RALGPS1: variants seen among roughly 807,000 people sequenced by gnomAD.
The protein encoded by RALGPS1 is Ral GEF with PH domain and SH3 binding motif 1.
Under a neutral mutation model 78.8 loss-of-function variants are expected in RALGPS1, and 19 were observed. That is an observed-to-expected ratio of 0.24 (90% CI 0.17 to 0.35). RALGPS1 has a LOEUF of 0.35. RALGPS1 is among the 10% of genes least tolerant of loss of function. RALGPS1 has a pLI of 1.00. For synonymous variants in RALGPS1, 228 were observed against 256.3 expected, an observed-to-expected ratio of 0.89 and a Z score of 1.06; for missense variants, 454 against 688.3, an observed-to-expected ratio of 0.66 and a Z score of 3.81.
chr9:127,164,728 C>T (rs1333032606), intron 8 of RALGPS1, among the ~76,000 whole-genome samples: 1 of 151,014 alleles, frequency 6.6e-6, no homozygotes, highest in Non-Finnish European at 1.5e-5. Flanking sequence ...TTTGTAGAGA[C>T]GGGGTTTTGT....
chr9:126,990,963 C>G (rs2042232091), intron 4 of RALGPS1, among the ~76,000 whole-genome samples: 1 of 152,132 alleles, frequency 6.6e-6, no homozygotes, highest in Non-Finnish European at 1.5e-5. Flanking sequence ...CTATCTGCCT[C>G]TCTTTGTTCA....
At chr9:127,098,426 A>G (rs2136697376) in intron 8 of RALGPS1, among the ~76,000 whole-genome samples, 1 of 152,150 alleles carries the variant, frequency 6.6e-6, no homozygotes, top group Admixed American at 6.5e-5. Flanking sequence ...CCACATTTAC[A>G]TTCTTGGGGG....
intron 8 of RALGPS1, among the ~76,000 whole-genome samples, chr9:127,131,233 A>C (rs2056984591): frequency 6.6e-6 from 1 of 152,230 alleles, no homozygotes. Flanking sequence ...CACCCAGCTG[A>C]GATTCCAGAA....
chr9:127,149,019 C>T (rs932330379), intron 8 of RALGPS1, among the ~76,000 whole-genome samples: 1 of 152,208 alleles, frequency 6.6e-6, no homozygotes, highest in African/African-American at 2.4e-5. Flanking sequence ...GTCTACACCT[C>T]CACATGAGGG....
intron 8 of RALGPS1, among the ~76,000 whole-genome samples, chr9:127,143,806 C>T (rs1183200875): frequency 6.6e-6 from 1 of 152,230 alleles, no homozygotes; most frequent in Non-Finnish European, 1.5e-5. Flanking sequence ...CCACTGAAAA[C>T]AACCCTTCTT....
Position 126,975,940 on chromosome 9 carries a change from C to T in RALGPS1, c.166-1755C>T, listed in dbSNP as rs76930205. 2.8e-3 allele frequency among the ~76,000 whole-genome samples: 428 copies of T among 152,292 alleles called. 2 individuals are homozygous for T. Among genetic ancestry groups the T allele is most frequent in the African/African-American group, 9.6e-3 (400 of 41,554 alleles). On this transcript the variant is annotated intron_variant, in intron 3 of 18. Coordinates refer to ENST00000259351, the MANE Select transcript of RALGPS1 (RefSeq NM_014636.3). ...CCCGTTTCCATGAAGAACACTAGCTCCGCTCCTGGGAGAGTACAAAGAGGC... is the reference window on the plus strand; with the variant it reads ...CCCGTTTCCATGAAGAACACTAGCTTCGCTCCTGGGAGAGTACAAAGAGGC...
intron 4 of RALGPS1, among the ~76,000 whole-genome samples, chr9:127,006,268 G>T (rs1564404713): frequency 6.6e-6 from 1 of 152,184 alleles, no homozygotes; most frequent in South Asian, 2.1e-4. Flanking sequence ...CAAGCCATTC[G>T]TGAAGGAAAC....
intron 8 of RALGPS1, among the ~76,000 whole-genome samples, chr9:127,104,879 TG>T (rs1432002844): frequency 3.3e-5 from 5 of 152,246 alleles, no homozygotes; most frequent in African/African-American, 1.2e-4. Context: ...AAGGATCTGT[TG>T]GGTAAGAGCA....
chr9:126,987,332 G>A (rs74595186), intron 4 of RALGPS1, among the ~76,000 whole-genome samples: 1 of 152,194 alleles, frequency 6.6e-6, no homozygotes, highest in Non-Finnish European at 1.5e-5. Flanking sequence ...TCTCTTATTG[G>A]TGATTTGGGG....
At chr9:126,944,834 T>A (rs763652767) in intron 1 of RALGPS1, among the ~76,000 whole-genome samples, 1 of 152,192 alleles carries the variant, frequency 6.6e-6, no homozygotes, top group Non-Finnish European at 1.5e-5. Context: ...CCTCAGTGCA[T>A]TCAGCCATTG....
chr9:126,919,344 TC>T (rs2034519005), intron 1 of RALGPS1, among the ~76,000 whole-genome samples: 1 of 152,186 alleles, frequency 6.6e-6, no homozygotes, highest in Non-Finnish European at 1.5e-5. Context: ...ACATCCTTTG[TC>T]CTAGGAAAAA....
chr9:126,981,742 C>T (rs1588812097), intron 4 of RALGPS1, among the ~76,000 whole-genome samples: 1 of 152,124 alleles, frequency 6.6e-6, no homozygotes, highest in Non-Finnish European at 1.5e-5. Context: ...ATAACTTAGT[C>T]CATGATTACT....
intron 11 of RALGPS1, among the ~76,000 whole-genome samples, chr9:127,182,328 TCCTG>T (rs2060282365): frequency 3.4e-5 from 5 of 148,716 alleles, no homozygotes; most frequent in African/African-American, 1.3e-4. Flanking sequence ...CTTCCTTCCT[TCCTG>T]CCTTCCTTCC....
intron 14 of RALGPS1, among the ~76,000 whole-genome samples, chr9:127,199,648 G>A (rs1244525981): frequency 6.6e-6 from 1 of 150,824 alleles, no homozygotes; most frequent in Non-Finnish European, 1.5e-5. Flanking sequence ...TGTCTGCCAG[G>A]GCCCCAGGCC....
At chr9:127,025,198 C>G (rs1014993538) in intron 4 of RALGPS1, among the ~76,000 whole-genome samples, 1 of 152,122 alleles carries the variant, frequency 6.6e-6, no homozygotes, top group Non-Finnish European at 1.5e-5. Context: ...TGTTGACATT[C>G]GTGTACGCTG....
intron 7 of RALGPS1, among the ~76,000 whole-genome samples, chr9:127,054,931 T>A (rs983555552): frequency 3.3e-5 from 5 of 151,186 alleles, no homozygotes; most frequent in Admixed American, 2.6e-4. Flanking sequence ...TGAACTATGA[T>A]TATGCCACTG....
intron 1 of RALGPS1, among the ~76,000 whole-genome samples, chr9:126,956,322 C>T (rs2038336421): frequency 1.3e-5 from 2 of 152,100 alleles, no homozygotes; most frequent in South Asian, 4.1e-4. Context: ...AGCCAGGCCT[C>T]AGGGACTGAA....
chr9:127,021,088 G>A (rs2045393821), intron 4 of RALGPS1, among the ~76,000 whole-genome samples: 1 of 152,036 alleles, frequency 6.6e-6, no homozygotes, highest in African/African-American at 2.4e-5. Flanking sequence ...AGGCTAATAG[G>A]TAATTTAAAT....
chr9:127,078,180 T>C (rs1205581138), intron 8 of RALGPS1, among the ~76,000 whole-genome samples: 1 of 152,168 alleles, frequency 6.6e-6, no homozygotes, highest in Non-Finnish European at 1.5e-5. Context: ...CGCTATCCCA[T>C]CCAAAATGAA....
Sources: gnomAD v4.1 joint callset for allele counts (sites outside exome capture counted in the v4.1 genomes callset) on GRCh38, gnomAD v4.1.1 for gene constraint, MANE v1.5 for transcripts, NCBI Gene and HGNC (gene_info 2026-07-23, HGNC 2026-07-21) for gene names.